The following PARD3B variants were observed in gnomAD, a reference collection of about 807,000 sequenced individuals.
PARD3B encodes the protein partitioning defective 3 homolog B.
A neutral mutation model predicts 130.2 loss-of-function variants in PARD3B; 103 were observed. The observed-to-expected ratio is 0.79, with a 90% CI of 0.67 to 0.93. The LOEUF (loss-of-function observed/expected upper bound fraction) is 0.93. Among genes scored for constraint, PARD3B ranks in the 40% least tolerant of loss-of-function variants. PARD3B has a pLI of 0.00. For missense variants in PARD3B, 1,609 were observed against 1,499.2 expected (o/e 1.07, Z -1.21); for synonymous variants, 583 against 553.2 (o/e 1.05, Z -0.76).
In PARD3B at chr2:205,276,956, G is replaced by A. The variant is rs2040973111; in HGVS notation, c.2186-23574G>A. Among the ~76,000 whole-genome samples, 1 of 152,164 alleles carries A rather than the reference G, an allele frequency of 6.6e-6. No homozygotes were observed. The highest frequency in any genetic ancestry group is 1.5e-5 in the Non-Finnish European group (1 of 68,032). On this transcript the variant is annotated intron_variant, in intron 16 of 22. Transcript: ENST00000406610. This position sits in a 1 kb window ranked among gnomAD's most constrained non-coding sequence, Gnocchi z 5.0. ...TGAGAGAATTTGTGTGGAACACCTA[G>A]CTCCATTTCTGGCACCTAGGACAAC... is the stretch of plus-strand genomic sequence containing the variant.
intron 1 of PARD3B, among the ~76,000 whole-genome samples, chr2:204,588,507 T>C (rs978605692): frequency 1.3e-5 from 2 of 152,172 alleles, no homozygotes; most frequent in African/African-American, 4.8e-5. Context: ...ATATTTCCAT[T>C]GGGCTTTTGG....
chr2:205,056,042 A>T (rs1444816463), intron 4 of PARD3B, among the ~76,000 whole-genome samples: 1 of 152,088 alleles, frequency 6.6e-6, no homozygotes, highest in Non-Finnish European at 1.5e-5. Flanking sequence ...GAACTTCTGT[A>T]TGTACCTTCC....
At chr2:205,503,387 G>T (rs2050230557) in intron 21 of PARD3B, among the ~76,000 whole-genome samples, 1 of 149,534 alleles carries the variant, frequency 6.7e-6, no homozygotes, top group African/African-American at 2.4e-5. Context: ...GACATACTTT[G>T]TTCTTTTTTT....
At chr2:204,682,131 AATG>A (rs2036863080) in intron 1 of PARD3B, among the ~76,000 whole-genome samples, 1 of 152,110 alleles carries the variant, frequency 6.6e-6, no homozygotes, top group Admixed American at 6.6e-5. Context: ...CAGGCTCACT[AATG>A]ATGATGCACC....
intron 15 of PARD3B, among the ~76,000 whole-genome samples, chr2:205,217,800 A>G (rs182852778): frequency 0.016 from 1,818 of 111,846 alleles, 18 homozygotes; most frequent in Non-Finnish European, 0.021. Context: ...GTGCATGTAT[A>G]TATGTGTGTA....
chr2:205,344,303 T>A (rs557459680), intron 18 of PARD3B, among the ~76,000 whole-genome samples: 4 of 150,796 alleles, frequency 2.7e-5, no homozygotes, highest in African/African-American at 9.8e-5. Context: ...CATGTGGATA[T>A]GGAGTGGATG....
chr2:205,086,192 A>G (rs1575740748), intron 4 of PARD3B, among the ~76,000 whole-genome samples: 1 of 152,192 alleles, frequency 6.6e-6, no homozygotes, highest in African/African-American at 2.4e-5. Context: ...TTAATTTGTT[A>G]TTTTAGTGAA....
At chr2:204,886,586 A>C (rs2046277549) in intron 2 of PARD3B, among the ~76,000 whole-genome samples, 1 of 152,356 alleles carries the variant, frequency 6.6e-6, no homozygotes, top group Admixed American at 6.5e-5. Context: ...AAAATACTCA[A>C]CATTATTAAG....
At chr2:204,889,581 G>C (rs572170272) in intron 2 of PARD3B, among the ~76,000 whole-genome samples, 1 of 152,336 alleles carries the variant, frequency 6.6e-6, no homozygotes, top group South Asian at 2.1e-4. Context: ...TTCAAGTCCA[G>C]CTAGATGGCA....
In PARD3B at chr2:205,563,485, T is replaced by C. The variant is rs369517039; in HGVS notation, c.3260+10082T>C. Among the ~76,000 whole-genome samples, 8 of 152,110 alleles carry C rather than the reference T, an allele frequency of 5.3e-5. No homozygotes were observed. Among genetic ancestry groups the C allele is most frequent in the South Asian group, 4.1e-4 (2 of 4,822 alleles). ...TTCACTTGACCCCACATGACTAACA[T>C]TGGCAAGTCAAGGAGAGGTTGGAAT... On this transcript the variant is annotated intron_variant, in intron 22 of 22. Coordinates refer to ENST00000406610, the MANE Select transcript of PARD3B (RefSeq NM_001302769.2). This position sits in a 1 kb window ranked among gnomAD's most constrained non-coding sequence, Gnocchi z 4.2.
intron 2 of PARD3B, among the ~76,000 whole-genome samples, chr2:204,840,487 G>T (rs903087712): frequency 3.3e-5 from 5 of 151,104 alleles, no homozygotes; most frequent in Non-Finnish European, 7.4e-5. Flanking sequence ...ACGAATACAT[G>T]AAAATAGATT....
chr2:204,747,017 AT>A (rs1312148897), intron 2 of PARD3B, among the ~76,000 whole-genome samples: 1 of 152,092 alleles, frequency 6.6e-6, no homozygotes, highest in Admixed American at 6.6e-5. Context: ...TTTTGTTGCC[AT>A]TGCTTTTGGT....
chr2:204,778,582 T>C (rs1257675105), intron 2 of PARD3B, among the ~76,000 whole-genome samples: 6 of 152,308 alleles, frequency 3.9e-5, no homozygotes, highest in African/African-American at 1.4e-4. Context: ...AAATTTCTAA[T>C]GTGGTTAAGG....
rs189024116 is a variant in PARD3B, at chr2:205,551,802, G to A, written c.3181-1522G>A. Among the ~76,000 whole-genome samples, 238 of 152,242 alleles carry A rather than the reference G, an allele frequency of 1.6e-3. 4 individuals are homozygous for A. Among genetic ancestry groups the A allele is most frequent in the Admixed American group, 0.01 (154 of 15,288 alleles). On this transcript the variant is annotated intron_variant, in intron 21 of 22. Coordinates refer to ENST00000406610, the MANE Select transcript of PARD3B (RefSeq NM_001302769.2). Reference sequence around the variant, plus strand: ...AATAACTTCCAGGTGGTTGATTACCGCCTAGAAAAATTTTCCCTACTGACC... The same window carrying A: ...AATAACTTCCAGGTGGTTGATTACCACCTAGAAAAATTTTCCCTACTGACC...
Position 205,263,748 on chromosome 2 carries a change from A to C in PARD3B, c.2185+17926A>C, listed in dbSNP as rs572896484. On this transcript the variant is annotated intron_variant, in intron 16 of 22. Transcript: ENST00000406610. The surrounding 1 kb of genome is among the most constrained non-coding windows in gnomAD (Gnocchi z 4.0). ...TGAAAATTAAAAATGTTTACTCTTC[A>C]AAAGATACTCTTGAGAAAATGAAAA... is the stretch of plus-strand genomic sequence containing the variant. Among the ~76,000 whole-genome samples, 1 of 151,404 alleles carries C rather than the reference A, an allele frequency of 6.6e-6. No individual in the cohort carries two copies. Among genetic ancestry groups the C allele is most frequent in the South Asian group, 2.1e-4 (1 of 4,780 alleles).
chr2:204,764,418 A>G (rs1047401112), intron 2 of PARD3B, among the ~76,000 whole-genome samples: 1 of 152,128 alleles, frequency 6.6e-6, no homozygotes, highest in Admixed American at 6.6e-5. Context: ...TGTCTTAAGC[A>G]AGTTCCCCCG....
At chr2:205,399,122 T>G (rs935480350) in intron 18 of PARD3B, among the ~76,000 whole-genome samples, 1 of 151,484 alleles carries the variant, frequency 6.6e-6, no homozygotes, top group African/African-American at 2.4e-5. Flanking sequence ...TACAAAAAAT[T>G]AGCTGGGCAT....
chr2:205,500,711 T>C (rs904302798), intron 21 of PARD3B, among the ~76,000 whole-genome samples: 2 of 152,196 alleles, frequency 1.3e-5, no homozygotes, highest in African/African-American at 4.8e-5. Context: ...AGAGGATGCT[T>C]AGAATTGCAT....
intron 20 of PARD3B, among the ~76,000 whole-genome samples, chr2:205,445,526 T>A (rs1332787529): frequency 1.3e-5 from 2 of 151,938 alleles, no homozygotes; most frequent in Non-Finnish European, 2.9e-5. Context: ...AGGGAGGTGC[T>A]ACACACTTCT....
Sources: allele counts gnomAD v4.1 joint callset (sites outside exome capture counted in the v4.1 genomes callset), GRCh38; gene constraint gnomAD v4.1.1; non-coding constraint Gnocchi (gnomAD v3.1); transcripts MANE v1.5; gene names NCBI Gene and HGNC (gene_info 2026-07-23, HGNC 2026-07-21).